The following PABIR3 variants were observed in gnomAD, a reference collection of about 807,000 sequenced individuals.
PABIR3 encodes PABIR family member 1.
In PABIR3, 20 loss-of-function variants were observed where a neutral mutation model predicts 23.1. That is an observed-to-expected ratio of 0.86 (90% CI 0.61 to 1.26). The LOEUF is 1.26. PABIR3 is among the 50% of genes most tolerant of loss of function. The pLI, the probability that PABIR3 is intolerant of heterozygous loss-of-function variation, is 0.00. For synonymous variants in PABIR3, 69 were observed against 68.5 expected (o/e 1.01, Z -0.04); for missense variants, 189 against 195.4 (o/e 0.97, Z 0.20).
intron 3 of PABIR3, among the ~76,000 whole-genome samples, chrX:134,818,063 C>G (rs1162317788): frequency 9.0e-6 from 1 of 111,497 alleles, no homozygotes; most frequent in African/African-American, 3.3e-5. Flanking sequence ...GCAAACCTGA[C>G]TCCTAGGTCT....
chrX:134,822,087 A>T (rs1466348125), intron 3 of PABIR3: 2 of 751,172 alleles, frequency 2.7e-6, no homozygotes, highest in Non-Finnish European at 3.1e-6. Context: ...CGCTACTTCT[A>T]CTCCCAGCCA....
chrX:134,818,978 C>G (rs1305310755), intron 3 of PABIR3, among the ~76,000 whole-genome samples: 1 of 98,774 alleles, frequency 1.0e-5, no homozygotes, highest in African/African-American at 3.8e-5. Context: ...GATCTCTTGC[C>G]CAGGCTGGAG....
At chrX:134,807,171 T>A (rs1354689850), upstream of PABIR3, 4 of 786,166 alleles carry the variant, frequency 5.1e-6, no homozygotes, top group East Asian at 4.4e-4. Flanking sequence ...GTCCGGCTGA[T>A]AGCTTATCGC....
intron 1 of PABIR3, among the ~76,000 whole-genome samples, chrX:134,798,171 C>G (rs1483176784): frequency 8.9e-6 from 1 of 112,384 alleles, no homozygotes; most frequent in Non-Finnish European, 1.9e-5. Flanking sequence ...TTGTTATGTG[C>G]TAGGCACTAT....
At chrX:134,852,715 C>T in intron 9 of PABIR3, 85 bp from the exon 10 acceptor site, 1 of 478,323 alleles carries the variant, frequency 2.1e-6, no homozygotes. Context: ...AAATTAATTG[C>T]AGTGAATAAG....
chrX:134,811,049 C>T (rs1052012742), intron 2 of PABIR3: 5 of 752,545 alleles, frequency 6.6e-6, no homozygotes, highest in Non-Finnish European at 1.6e-6. Flanking sequence ...GACCCTCTTG[C>T]ACCAGCATTT....
chrX:134,846,340 C>T (rs1345913389), intron 6 of PABIR3, among the ~76,000 whole-genome samples: 1 of 112,058 alleles, frequency 8.9e-6, no homozygotes, highest in Non-Finnish European at 1.9e-5. Flanking sequence ...ACACCATTAT[C>T]AGCCTGTAAC....
In PABIR3 at chrX:134,835,561, G is replaced by A. The variant is rs184755642; in HGVS notation, c.246+6279G>A. On this transcript the variant is annotated intron_variant, in intron 4 of 10. Transcript: ENST00000645433. Reference sequence around the variant, plus strand: ...CTGTTTTCTAAGTATTAAAGAGACTGAGACATCAAGCTAGAAGTTAATTTT... The same window carrying A: ...CTGTTTTCTAAGTATTAAAGAGACTAAGACATCAAGCTAGAAGTTAATTTT... The A allele has an allele frequency of 4.7e-4, 53 of 112,114 alleles. 1 individual carries two copies. The highest frequency in any genetic ancestry group is 1.6e-3 in the African/African-American group (50 of 30,980). 9.2% of individuals were successfully genotyped at this position (112,114 alleles called of 1,213,427 possible).
intron 10 of PABIR3, among the ~76,000 whole-genome samples, chrX:134,853,372 G>A (rs192904092): frequency 1.4e-3 from 158 of 111,317 alleles, no homozygotes; most frequent in African/African-American, 4.9e-3. Flanking sequence ...CTGGCAGAGT[G>A]TTTTTCTTAT....
At chrX:134,819,796 A>C (rs2081177443) in intron 3 of PABIR3, among the ~76,000 whole-genome samples, 1 of 111,198 alleles carries the variant, frequency 9.0e-6, no homozygotes, top group Non-Finnish European at 1.9e-5. Flanking sequence ...GAGACAGGAA[A>C]ATCGCTTGAA....
At chrX:134,850,817 G>A (rs1743899099) in intron 9 of PABIR3, among the ~76,000 whole-genome samples, 1 of 111,600 alleles carries the variant, frequency 9.0e-6, no homozygotes, top group East Asian at 2.8e-4. Flanking sequence ...TCTGAAAGAC[G>A]ACTGCCTTAT....
chrX:134,862,520 A>C, the PABIR3 span, among the ~76,000 whole-genome samples: 2 of 111,917 alleles, frequency 1.8e-5, no homozygotes, highest in Non-Finnish European at 3.8e-5. Flanking sequence ...AAAATTCTGT[A>C]AGCTTATATG....
intron 4 of PABIR3, among the ~76,000 whole-genome samples, chrX:134,832,551 G>A (rs1324671648): frequency 1.9e-5 from 2 of 106,828 alleles, no homozygotes; most frequent in Admixed American, 1.0e-4. Context: ...ATAGGCCCAC[G>A]CCACCACGAC....
In PABIR3 at chrX:134,845,084, T is replaced by G. The variant is rs1351953603; in HGVS notation, c.247-121T>G. 28 of 561,490 alleles carry G rather than the reference T, an allele frequency of 5.0e-5. 1 individual carries two copies. Among genetic ancestry groups the G allele is most frequent in the East Asian group, 3.5e-5 (1 of 28,940 alleles). The allele number at this position is 561,490 out of a possible 1,213,427, so 46.3% of individuals were successfully genotyped here. A position where few individuals can be genotyped will look rare whatever the true frequency, so the allele number is the denominator to read the frequency against. ...ACCAGATACTTGTTTAGAGATTTAT[T>G]TATTCTCTAGTTCTTCTATAGCCTA... On this transcript the variant is annotated intron_variant, in intron 4 of 10. Coordinates refer to ENST00000645433, the MANE Select transcript of PABIR3 (RefSeq NM_001388447.1).
chrX:134,839,824 G>A (rs1204516321), intron 4 of PABIR3, among the ~76,000 whole-genome samples: 24 of 111,508 alleles, frequency 2.2e-4, no homozygotes, highest in Non-Finnish European at 7.6e-5. Flanking sequence ...GAAGTGAGGA[G>A]CCCCTCTGCC....
rs1275580950 is a variant in PABIR3, at chrX:134,807,269, A to G, written c.-132A>G. The stretch of plus-strand genomic sequence containing the variant: ...CCGGAAAGGCTTACCATGAGTTGCC[A>G]GGGCTGAGAGAGATGGAGAAGGATT... On this transcript the variant is annotated 5_prime_UTR_variant, in exon 1 of 11. Transcript: ENST00000645433. 3.3e-6 allele frequency: 3 copies of G among 907,076 alleles called. No individual in the cohort carries two copies. 74.8% of individuals were successfully genotyped at this position (907,076 alleles called of 1,213,427 possible).
At chrX:134,814,735 A>G in intron 2 of PABIR3, 36 bp from the exon 3 acceptor site, 6 of 878,415 alleles carry the variant, frequency 6.8e-6, no homozygotes, top group South Asian at 4.9e-5. Flanking sequence ...TTTGTAATGG[A>G]TTTTATATAA....
the PABIR3 span, among the ~76,000 whole-genome samples, chrX:134,862,121 TG>T: frequency 1.8e-5 from 2 of 108,491 alleles, no homozygotes; most frequent in Non-Finnish European, 1.9e-5. Flanking sequence ...ATCTCGTTTT[TG>T]TTTTTTTGTT....
At chrX:134,828,047 CTATATATA>C (rs61129426) in intron 3 of PABIR3, among the ~76,000 whole-genome samples, 3 of 49,420 alleles carry the variant, frequency 6.1e-5, no homozygotes, top group African/African-American at 2.5e-4. Flanking sequence ...CTCTCTCTCT[CTATATATA>C]TATATATATA....
Sources: allele counts gnomAD v4.1 joint callset (sites outside exome capture counted in the v4.1 genomes callset), GRCh38; gene constraint gnomAD v4.1.1; transcripts MANE v1.5; gene names NCBI Gene and HGNC (gene_info 2026-07-23, HGNC 2026-07-21).